Variants in MYOCD observed in about 807,000 individuals in gnomAD.
The protein encoded by MYOCD is myocardin.
In MYOCD, 32 loss-of-function variants were observed where a neutral mutation model predicts 96.1. The observed-to-expected ratio is 0.33, with a 90% CI of 0.25 to 0.45. MYOCD has a LOEUF of 0.45. Ranked by LOEUF, MYOCD falls within the 20% of genes least tolerant of loss-of-function variation. The pLI, the probability that MYOCD is intolerant of heterozygous loss-of-function variation, is 1.00. For missense variants in MYOCD, 1,133 were observed against 1,200.6 expected (o/e 0.94, Z 0.83); for synonymous variants, 469 against 469.0 (o/e 1.00, Z 0.00).
chr17:12,670,632 G>A (rs186782140), intron 1 of MYOCD, among the ~76,000 whole-genome samples: 1 of 152,270 alleles, frequency 6.6e-6, no homozygotes, highest in African/African-American at 2.4e-5. Context: ...CCCATGATAT[G>A]TAATATTTAT....
rs746700746 is a variant in MYOCD at position 12,753,303 on chromosome 17, A to G, written c.2015A>G (p.His672Arg). ...PSSSGAQGEG[H>R]RVSSPISSQV... Reference sequence around the variant, plus strand: ...TCCTCCGGGGCCCAGGGAGAAGGGCACAGGGTCTCCTCGCCCATCAGCAGC... The same window carrying G: ...TCCTCCGGGGCCCAGGGAGAAGGGCGCAGGGTCTCCTCGCCCATCAGCAGC... The change falls in exon 10 of 14, where the codon CAC becomes CGC. Residue 672 changes from histidine (H) to arginine (R), a missense_variant. Coordinates refer to ENST00000425538, the MANE Select transcript of MYOCD (RefSeq NM_001146312.3). 1 of 1,611,522 alleles carries G rather than the reference A, an allele frequency of 6.2e-7. No individual in the cohort carries two copies. The highest frequency in any genetic ancestry group is 2.2e-5 in the East Asian group (1 of 44,880).
At chr17:12,742,375 A>T (rs139859815) in intron 7 of MYOCD, among the ~76,000 whole-genome samples, 1 of 152,072 alleles carries the variant, frequency 6.6e-6, no homozygotes, top group East Asian at 1.9e-4. Flanking sequence ...ATAAGGTCAC[A>T]TTCAGATGTG....
chr17:12,718,608 A>T (rs1200859293), intron 4 of MYOCD, among the ~76,000 whole-genome samples: 9 of 152,220 alleles, frequency 5.9e-5, no homozygotes, highest in Non-Finnish European at 1.2e-4. Context: ...AGTAGGTGGG[A>T]TATTTTAAGA....
intron 3 of MYOCD, among the ~76,000 whole-genome samples, chr17:12,716,469 G>A (rs1285733867): frequency 2.6e-5 from 4 of 152,132 alleles, no homozygotes; most frequent in African/African-American, 9.7e-5. Flanking sequence ...CAGCCCTACC[G>A]ACAGCCCCAT....
intron 1 of MYOCD, among the ~76,000 whole-genome samples, chr17:12,703,141 C>T (rs932541812): frequency 6.6e-6 from 1 of 151,638 alleles, no homozygotes; most frequent in Admixed American, 6.6e-5. Flanking sequence ...GATTGGGGGG[C>T]GGGGTGTTTA....
intron 2 of MYOCD, among the ~76,000 whole-genome samples, chr17:12,706,880 T>G (rs980991136): frequency 6.6e-6 from 1 of 152,166 alleles, no homozygotes; most frequent in African/African-American, 2.4e-5. Flanking sequence ...TTAAGATAAT[T>G]TCTAGAAAAA....
At chr17:12,737,402 G>A (rs746460080) in intron 6 of MYOCD, among the ~76,000 whole-genome samples, 59 of 152,242 alleles carry the variant, frequency 3.9e-4, no homozygotes, top group Admixed American at 2.2e-3. Context: ...AGGTATCATC[G>A]AGGTTGATTC....
rs992480832 is a variant in MYOCD at position 12,698,804 on chromosome 17, G to A, written c.56-6324G>A. 1.1e-4 allele frequency among the ~76,000 whole-genome samples: 14 copies of A among 122,374 alleles called. No individual in the cohort carries two copies. The South Asian group carries it at 2.4e-3, about 21-fold the overall frequency. The allele number at this position is 122,374 out of a possible 152,430, so 80.3% of individuals were successfully genotyped here. Reference sequence around the variant, plus strand: ...GTTGCCCAGGCTGGAGTGCAGTGGCGTGATCTCAGCTCACTGCAAGCTCCG... The same window carrying A: ...GTTGCCCAGGCTGGAGTGCAGTGGCATGATCTCAGCTCACTGCAAGCTCCG... On this transcript the variant is annotated intron_variant, in intron 1 of 13. Transcript: ENST00000425538.
intron 1 of MYOCD, among the ~76,000 whole-genome samples, chr17:12,677,581 G>A (rs1340569242): frequency 1.3e-5 from 2 of 151,518 alleles, no homozygotes; most frequent in Admixed American, 1.3e-4. Flanking sequence ...GCATGGTGGC[G>A]GGCACCTGTA....
intron 2 of MYOCD, among the ~76,000 whole-genome samples, chr17:12,713,555 G>C (rs965137412): frequency 6.6e-6 from 1 of 152,036 alleles, no homozygotes; most frequent in African/African-American, 2.4e-5. Flanking sequence ...TCATTTTCTG[G>C]GTTATGTAAG....
chr17:12,734,742 C>A (rs2032291875), intron 5 of MYOCD, among the ~76,000 whole-genome samples: 1 of 152,060 alleles, frequency 6.6e-6, no homozygotes, highest in South Asian at 2.1e-4. Flanking sequence ...AATTCCTGAC[C>A]TCATGATCCA....
At chr17:12,667,639 G>A (rs960574993) in intron 1 of MYOCD, among the ~76,000 whole-genome samples, 1 of 152,168 alleles carries the variant, frequency 6.6e-6, no homozygotes, top group Admixed American at 6.5e-5. Context: ...AAATGTGGAG[G>A]GTCTGGGGGT....
chr17:12,738,558 A>G (rs2032412457), intron 6 of MYOCD, among the ~76,000 whole-genome samples: 1 of 152,040 alleles, frequency 6.6e-6, no homozygotes, highest in African/African-American at 2.4e-5. Context: ...TATACACCTA[A>G]CATGCACACA....
chr17:12,732,948 C>T (rs904146578), intron 5 of MYOCD, among the ~76,000 whole-genome samples: 2 of 152,170 alleles, frequency 1.3e-5, no homozygotes, highest in Admixed American at 1.3e-4. Flanking sequence ...ATGTCACAGT[C>T]AGTCCCTCAG....
At position 12,766,036 on chromosome 17, in the gene MYOCD, GA is replaced by G. The variant is rs1310785720; in HGVS notation, c.*2396del. The G allele has an allele frequency of 6.6e-6, 1 of 152,172 alleles. No homozygotes were observed. The highest frequency in any genetic ancestry group is 2.4e-5 in the African/African-American group (1 of 41,460). The allele number at this position is 152,172 out of a possible 1,614,324, so 9.4% of individuals were successfully genotyped here. A position where few individuals can be genotyped will look rare whatever the true frequency, so the allele number is the denominator to read the frequency against. ...CTTTGAAGATGAAGCTACTGGGGAA[GA>G]AAACCTTATTAATACACTCCACACA... On this transcript the variant is annotated 3_prime_UTR_variant, in exon 14 of 14. Coordinates refer to ENST00000425538, the MANE Select transcript of MYOCD (RefSeq NM_001146312.3).
intron 5 of MYOCD, among the ~76,000 whole-genome samples, chr17:12,727,807 C>T: frequency 6.6e-6 from 1 of 152,196 alleles, no homozygotes; most frequent in East Asian, 1.9e-4. Context: ...GACATCATCC[C>T]TCTTGCAGTC....
At chr17:12,746,188 T>C (rs1224434721) in intron 9 of MYOCD, 116 bp downstream of exon 9, 2 of 1,119,864 alleles carry the variant, frequency 1.8e-6, no homozygotes, top group Admixed American at 4.8e-5. Flanking sequence ...AAGAAGACTG[T>C]AGGAAACACT....
chr17:12,707,846 T>C (rs2031349003), intron 2 of MYOCD, among the ~76,000 whole-genome samples: 1 of 152,106 alleles, frequency 6.6e-6, no homozygotes, highest in Admixed American at 6.6e-5. Flanking sequence ...AAACAGAAAG[T>C]AAAAGAAAAG....
intron 2 of MYOCD, among the ~76,000 whole-genome samples, chr17:12,712,494 C>T (rs1334698678): frequency 6.6e-6 from 1 of 152,176 alleles, no homozygotes; most frequent in Non-Finnish European, 1.5e-5. Context: ...CTGTCTTCTC[C>T]TTTTTCTGGG....
Sources: allele counts gnomAD v4.1 joint callset (sites outside exome capture counted in the v4.1 genomes callset), GRCh38; gene constraint gnomAD v4.1.1; transcripts MANE v1.5; gene names NCBI Gene and HGNC (gene_info 2026-07-23, HGNC 2026-07-21).